Variants in SLC6A19 observed in about 807,000 individuals in gnomAD.
SLC6A19 encodes the protein sodium-dependent neutral amino acid transporter B(0)AT1.
In SLC6A19, 67 loss-of-function variants were observed where a neutral mutation model predicts 68.3. The observed-to-expected ratio is 0.98, with a 90% CI of 0.81 to 1.20. SLC6A19 has a LOEUF of 1.20. Ranked by LOEUF, SLC6A19 falls within the 50% of genes most tolerant of loss-of-function variation. The pLI is 0.00. For synonymous variants in SLC6A19, 392 were observed against 374.9 expected, an observed-to-expected ratio of 1.05 and a Z score of -0.53; for missense variants, 813 against 851.6, an observed-to-expected ratio of 0.95 and a Z score of 0.56.
chr5:1,210,674 G>A lies in SLC6A19; in HGVS notation c.481+93G>A, dbSNP rs4358564. 0.17 allele frequency: 267,375 copies of A among 1,570,870 alleles called. 24,432 individuals are homozygous for A. Among genetic ancestry groups the A allele is most frequent in the African/African-American group, 0.36 (26,819 of 74,310 alleles). On this transcript the variant is annotated intron_variant, in intron 3 of 11. Transcript: ENST00000304460. Reference sequence around the variant, plus strand: ...TGGCCTCAGGAAACTCAGGTCAGGCGTGGCAGAAACCAGAGCCCCAAGGCA... The same window carrying A: ...TGGCCTCAGGAAACTCAGGTCAGGCATGGCAGAAACCAGAGCCCCAAGGCA...
Position 1,214,026 on chromosome 5 carries a change from T to C in SLC6A19, c.848T>C (p.Phe283Ser), listed in dbSNP as rs1279796497. The C allele has an allele frequency of 1.2e-6, 2 of 1,613,796 alleles. No individual in the cohort carries two copies. Among genetic ancestry groups the C allele is most frequent in the Non-Finnish European group, 1.7e-6 (2 of 1,180,000 alleles). ...GTCTTCTTCTCCTTCTCCCTGGCCT[T>C]CGGGGGCCTCATCTCCTTCTCCAGC... The part of the protein sequence containing the change: ...AQVFFSFSLA[F>S]GGLISFSSYN... Residue 283 changes from phenylalanine (F) to serine (S), a missense_variant, in exon 6 of 12, where the codon TTC (phenylalanine) becomes TCC (serine). Coordinates refer to ENST00000304460, the MANE Select transcript of SLC6A19 (RefSeq NM_001003841.3). The surrounding 1 kb of genome is among the most constrained non-coding windows in gnomAD (Gnocchi z 7.4).
rs1745992471 is a variant in SLC6A19 at position 1,210,428 on chromosome 5, A to G, written c.344-16A>G. On this transcript the variant is annotated splice_polypyrimidine_tract_variant and intron_variant, in intron 2 of 11. Coordinates refer to ENST00000304460, the MANE Select transcript of SLC6A19 (RefSeq NM_001003841.3). Reference sequence around the variant, plus strand: ...GTGTGCCTCGGCCCCAAGCCTCAGCAGCAGCCTCCCTGCAGGCCTGGCCTC... The same window carrying G: ...GTGTGCCTCGGCCCCAAGCCTCAGCGGCAGCCTCCCTGCAGGCCTGGCCTC... 1.9e-6 allele frequency: 3 copies of G among 1,612,294 alleles called. No individual in the cohort carries two copies. The highest frequency in any genetic ancestry group is 2.5e-6 in the Non-Finnish European group (3 of 1,179,936).
At chr5:1,205,892 T>A (rs1178531951) in intron 1 of SLC6A19, among the ~76,000 whole-genome samples, 1 of 152,142 alleles carries the variant, frequency 6.6e-6, no homozygotes, top group Non-Finnish European at 1.5e-5. Context: ...CTGGTGAGCA[T>A]CTCCTGCACC....
At chr5:1,201,947 G>C (rs1390386977) in intron 1 of SLC6A19, 95 bp downstream of exon 1, 152 of 1,446,980 alleles carry the variant, frequency 1.1e-4, no homozygotes, top group Non-Finnish European at 1.3e-4. Flanking sequence ...CGGACCCTCG[G>C]CTCCCCAAGC....
At position 1,223,956 on chromosome 5, in the gene SLC6A19, G is replaced by A. The variant is rs1746473306; in HGVS notation, c.*2052G>A. The A allele has an allele frequency of 6.6e-6, 1 of 152,288 alleles. No individual in the cohort carries two copies. The highest frequency in any genetic ancestry group is 1.5e-5 in the Non-Finnish European group (1 of 68,074). The allele number at this position is 152,288 out of a possible 1,614,324, so 9.4% of individuals were successfully genotyped here. ...GGATGCGCAAGACTCCACAGCAGCA[G>A]AGGTGGGGGGACATATCACAGCCTC... On this transcript the variant is annotated 3_prime_UTR_variant, in exon 12 of 12. Transcript: ENST00000304460.
rs373725254 is a variant in SLC6A19 at position 1,201,631 on chromosome 5, G to T, written c.-20G>T. The T allele has an allele frequency of 9.4e-6, 15 of 1,598,684 alleles. No individual in the cohort carries two copies. The highest frequency in any genetic ancestry group is 1.7e-5 in the Admixed American group (1 of 59,308). On this transcript the variant is annotated 5_prime_UTR_variant, in exon 1 of 12. Coordinates refer to ENST00000304460, the MANE Select transcript of SLC6A19 (RefSeq NM_001003841.3). The stretch of plus-strand genomic sequence containing the variant: ...AGCTTCTGCCCTGCCTGCTGTGTGC[G>T]GAGCCGTCCAGCGACCACCATGGTG...
Position 1,213,539 on chromosome 5 carries a change from C to A in SLC6A19, c.740C>A (p.Ala247Asp). Residue 247 changes from alanine to aspartate, a missense_variant, in exon 5 of 12, where the codon GCC becomes GAC. By Grantham distance (126) the Ala-to-Asp change is moderately radical. Transcript: ENST00000304460. The part of the protein sequence containing the change: ...FLIRGLTLKG[A>D]TNGIVFLFTP... ...ATCCGAGGCCTGACGCTGAAGGGCGCCACCAATGGCATCGTCTTCCTCTTC... is the reference window on the plus strand; with the variant it reads ...ATCCGAGGCCTGACGCTGAAGGGCGACACCAATGGCATCGTCTTCCTCTTC... 2 of 1,611,610 alleles carry A rather than the reference C, an allele frequency of 1.2e-6. No individual in the cohort carries two copies. Among genetic ancestry groups the A allele is most frequent in the East Asian group, 2.2e-5 (1 of 44,698 alleles).
Position 1,222,354 on chromosome 5 carries a change from G to A in SLC6A19, c.*450G>A. The stretch of plus-strand genomic sequence containing the variant: ...TGAACACACACGTGTATACATGCAT[G>A]CACATGTGCTCGTACAATGGGTGTC... On this transcript the variant is annotated 3_prime_UTR_variant, in exon 12 of 12. Coordinates refer to ENST00000304460, the MANE Select transcript of SLC6A19 (RefSeq NM_001003841.3). 1 of 477,218 alleles carries A rather than the reference G, an allele frequency of 2.1e-6. No homozygotes were observed. The highest frequency in any genetic ancestry group is 3.7e-6 in the Non-Finnish European group (1 of 273,132). The allele number at this position is 477,218 out of a possible 1,614,324, so 29.6% of individuals were successfully genotyped here.
rs762501980 is a variant in SLC6A19 at position 1,216,840 on chromosome 5, C to G, written c.1068C>G (p.Thr356=). Residue 356 remains threonine (T), a synonymous_variant, in exon 8 of 12, where the codon ACC becomes ACG. Coordinates refer to ENST00000304460, the MANE Select transcript of SLC6A19 (RefSeq NM_001003841.3). ...NGFDLPEGNV[T]QENFVDMQQR... ...TCGACCTGCCTGAAGGCAACGTGAC[C>G]CAGGAGAACTTTGTGGACATGCAGC... 1 of 1,613,828 alleles carries G rather than the reference C, an allele frequency of 6.2e-7. No individual in the cohort carries two copies. The highest frequency in any genetic ancestry group is 8.5e-7 in the Non-Finnish European group (1 of 1,180,050).
chr5:1,218,596 A>G (rs12332680), intron 8 of SLC6A19, among the ~76,000 whole-genome samples: 44,224 of 152,200 alleles, frequency 0.29, 6,627 homozygotes, highest in East Asian at 0.35. Flanking sequence ...TACGTGGCTC[A>G]GCTGCACTGG....
In SLC6A19 at chr5:1,209,794, CT is replaced by C. The variant is rs551638970; in HGVS notation, c.344-649del. On this transcript the variant is annotated intron_variant, in intron 2 of 11. Transcript: ENST00000304460. This position sits in a 1 kb window ranked among gnomAD's most constrained non-coding sequence, Gnocchi z 5.5. ...TCTTCCCCTATCTCCGTCTCTCCCC[CT>C]GTCTCTCTTCCCCATCTCACACTCA... is the stretch of plus-strand genomic sequence containing the variant. 2.4e-4 allele frequency among the ~76,000 whole-genome samples: 36 copies of C among 152,066 alleles called. 1 individual carries two copies. Among genetic ancestry groups the C allele is most frequent in the South Asian group, 4.2e-4 (2 of 4,808 alleles).
At chr5:1,202,474 A>T (rs1017444777) in intron 1 of SLC6A19, among the ~76,000 whole-genome samples, 2 of 152,110 alleles carry the variant, frequency 1.3e-5, no homozygotes, top group African/African-American at 4.8e-5. Context: ...CACAGAGGTG[A>T]CATTTGTGTT....
intron 1 of SLC6A19, among the ~76,000 whole-genome samples, chr5:1,202,643 C>T (rs568398222): frequency 4.0e-5 from 6 of 151,882 alleles, no homozygotes; most frequent in Admixed American, 1.3e-4. Context: ...CCAGGAGGGC[C>T]GGGCACCCTT....
rs1746425826 is a variant in SLC6A19, at chr5:1,222,646, T to A, written c.*742T>A. 4.1e-6 allele frequency: 1 copy of A among 241,570 alleles called. No homozygotes were observed. Among genetic ancestry groups the A allele is most frequent in the Non-Finnish European group, 8.0e-6 (1 of 124,316 alleles). 15.0% of individuals were successfully genotyped at this position (241,570 alleles called of 1,614,324 possible). A position where few individuals can be genotyped will look rare whatever the true frequency, so the allele number is the denominator to read the frequency against. Reference sequence around the variant, plus strand: ...GCAGGTGTGCATTTGTGCATGCCAGTGTGTATGTATGTGCGCATATGGACA... The same window carrying A: ...GCAGGTGTGCATTTGTGCATGCCAGAGTGTATGTATGTGCGCATATGGACA... On this transcript the variant is annotated 3_prime_UTR_variant, in exon 12 of 12. Transcript: ENST00000304460.
In SLC6A19 at chr5:1,214,030, G is replaced by T; in HGVS notation, c.852G>T (p.Gly284=). Residue 284 remains glycine, a synonymous_variant, in exon 6 of 12, where the codon GGG becomes GGT. Coordinates refer to ENST00000304460, the MANE Select transcript of SLC6A19 (RefSeq NM_001003841.3). This position sits in a 1 kb window ranked among gnomAD's most constrained non-coding sequence, Gnocchi z 7.4. ...QVFFSFSLAF[G]GLISFSSYNS... ...TCTTCTCCTTCTCCCTGGCCTTCGG[G>T]GGCCTCATCTCCTTCTCCAGCTACA... 1 of 1,613,858 alleles carries T rather than the reference G, an allele frequency of 6.2e-7. No individual in the cohort carries two copies. Among genetic ancestry groups the T allele is most frequent in the Non-Finnish European group, 8.5e-7 (1 of 1,180,010 alleles).
rs1254532281 is a variant in SLC6A19, at chr5:1,212,669, C to A, written c.663+185C>A. Among the ~76,000 whole-genome samples, 1 of 152,046 alleles carries A rather than the reference C, an allele frequency of 6.6e-6. No homozygotes were observed. Among genetic ancestry groups the A allele is most frequent in the Non-Finnish European group, 1.5e-5 (1 of 68,010 alleles). On this transcript the variant is annotated intron_variant, in intron 4 of 11. Transcript: ENST00000304460. The surrounding 1 kb of genome is among the most constrained non-coding windows in gnomAD (Gnocchi z 5.1). Reference sequence around the variant, plus strand: ...GCCTGGGCGGGAGGGGCCCTGCCTGCCCCAGGTTTCCTGAAATGACCAGAC... The same window carrying A: ...GCCTGGGCGGGAGGGGCCCTGCCTGACCCAGGTTTCCTGAAATGACCAGAC...
In SLC6A19 at chr5:1,218,993, A is replaced by C. The variant is rs768819792; in HGVS notation, c.1264A>C (p.Ile422Leu). ...LSPLWSVLFF[I>L]MLFCLGLSSM... The stretch of plus-strand genomic sequence containing the variant: ...CCCACTGTGGTCTGTGCTCTTCTTC[A>C]TTATGCTCTTCTGCCTGGGGCTGTC... The change falls in exon 9 of 12, where the codon ATT (isoleucine) becomes CTT (leucine). Residue 422 changes from isoleucine (I) to leucine (L), a missense_variant. Coordinates refer to ENST00000304460, the MANE Select transcript of SLC6A19 (RefSeq NM_001003841.3). The C allele has an allele frequency of 6.2e-7, 1 of 1,614,020 alleles. No individual in the cohort carries two copies. The highest frequency in any genetic ancestry group is 2.2e-5 in the East Asian group (1 of 44,868).
intron 1 of SLC6A19, among the ~76,000 whole-genome samples, chr5:1,203,423 C>CG (rs1745769981): frequency 6.6e-6 from 1 of 152,164 alleles, no homozygotes; most frequent in African/African-American, 2.4e-5. Flanking sequence ...CAGCGGGCAG[C>CG]GGGCAGCGGG....
intron 2 of SLC6A19, among the ~76,000 whole-genome samples, chr5:1,210,177 C>G (rs1263675169): frequency 2.6e-5 from 4 of 152,278 alleles, no homozygotes; most frequent in Non-Finnish European, 4.4e-5. Context: ...GCAAGCCAGG[C>G]AGGCATGTGC....
Sources: allele counts gnomAD v4.1 joint callset (sites outside exome capture counted in the v4.1 genomes callset), GRCh38; gene constraint gnomAD v4.1.1; non-coding constraint Gnocchi (gnomAD v3.1); transcripts MANE v1.5; gene names NCBI Gene and HGNC (gene_info 2026-07-23, HGNC 2026-07-21).